Variants in SCNN1B observed in about 807,000 individuals in gnomAD.
SCNN1B encodes the protein epithelial sodium channel subunit beta.
SCNN1B carries 46 observed loss-of-function variants against 65.3 expected under a neutral mutation model. The ratio of observed to expected loss-of-function variants is 0.70; its 90% CI spans 0.56 to 0.90. The LOEUF is 0.90. SCNN1B is among the 40% of genes least tolerant of loss of function. The probability of loss-of-function intolerance (pLI) is 0.00; values close to 1 mark genes in which losing one functional copy is unlikely to be tolerated. For missense variants in SCNN1B, 751 were observed against 830.5 expected (o/e 0.90, Z 1.18); for synonymous variants, 349 against 330.6 (o/e 1.06, Z -0.60).
Position 23,323,722 on chromosome 16 carries a change from T to C in SCNN1B, c.-9+21285T>C, listed in dbSNP as rs994463658. 4 of 642,710 alleles carry C rather than the reference T, an allele frequency of 6.2e-6. No individual in the cohort carries two copies. In the Admixed American group the frequency reaches 9.8e-5, roughly 16 times the overall value. The allele number at this position is 642,710 out of a possible 1,614,324, so 39.8% of individuals were successfully genotyped here. A position where few individuals can be genotyped will look rare whatever the true frequency, so the allele number is the denominator to read the frequency against. On this transcript the variant is annotated intron_variant, in intron 1 of 12. Transcript: ENST00000343070. The stretch of plus-strand genomic sequence containing the variant: ...GCTGGGACCAGGTTGCAAGGTGTCT[T>C]AGAAGCCAGCTAAGGGTTGAGGGGC...
chr16:23,338,235 A>G (rs757342689), intron 1 of SCNN1B, among the ~76,000 whole-genome samples: 2 of 152,218 alleles, frequency 1.3e-5, no homozygotes, highest in Non-Finnish European at 2.9e-5. Flanking sequence ...GAATTTATAA[A>G]TAGAAATTGT....
At chr16:23,323,474 T>A (rs34460527) in intron 1 of SCNN1B, 18 of 698,442 alleles carry the variant, frequency 2.6e-5, no homozygotes, top group Non-Finnish European at 4.2e-5. Context: ...TGCCAGACAC[T>A]GTGCTAGGTG....
intron 1 of SCNN1B, chr16:23,323,447 G>A (rs1961629646): frequency 1.5e-6 from 1 of 681,548 alleles, no homozygotes; most frequent in Non-Finnish European, 2.7e-6. Context: ...CCTCTCATAG[G>A]CACTGATCTC....
chr16:23,372,739 G>A (rs1053088119), intron 7 of SCNN1B, among the ~76,000 whole-genome samples: 3 of 148,516 alleles, frequency 2.0e-5, no homozygotes, highest in East Asian at 2.0e-4. Flanking sequence ...GTGATCCACC[G>A]CCTCGGCCTC....
chr16:23,311,947 C>T (rs1186242946), intron 1 of SCNN1B, among the ~76,000 whole-genome samples: 1 of 152,110 alleles, frequency 6.6e-6, no homozygotes, highest in African/African-American at 2.4e-5. Context: ...ACCCAACACC[C>T]ACCCTCCCTC....
intron 1 of SCNN1B, among the ~76,000 whole-genome samples, chr16:23,316,957 C>T (rs879672435): frequency 1.3e-5 from 2 of 152,218 alleles, no homozygotes; most frequent in Non-Finnish European, 2.9e-5. Flanking sequence ...CCATCACCAC[C>T]AGAGCAACAT....
intron 1 of SCNN1B, among the ~76,000 whole-genome samples, chr16:23,332,356 C>T (rs936949808): frequency 6.6e-6 from 1 of 152,002 alleles, no homozygotes; most frequent in African/African-American, 2.4e-5. Flanking sequence ...CCACCATGCC[C>T]AGCTAATTTT....
Position 23,348,501 on chromosome 16 carries a change from G to T in SCNN1B, c.-8-91G>T. 2 of 1,217,672 alleles carry T rather than the reference G, an allele frequency of 1.6e-6. No individual in the cohort carries two copies. Among genetic ancestry groups the T allele is most frequent in the Non-Finnish European group, 2.4e-6 (2 of 850,122 alleles). The allele number at this position is 1,217,672 out of a possible 1,614,324, so 75.4% of individuals were successfully genotyped here. On this transcript the variant is annotated intron_variant, in intron 1 of 12. Coordinates refer to ENST00000343070, the MANE Select transcript of SCNN1B (RefSeq NM_000336.3). This position sits in a 1 kb window ranked among gnomAD's most constrained non-coding sequence, Gnocchi z 4.5. ...GTAAAGAGGGAGGAAGAACGGGGAC[G>T]TACCGCCGCCCAGTTCCTGGACGTG...
At chr16:23,279,765 T>C (rs1960757816) in intron 1 of SCNN1B, among the ~76,000 whole-genome samples, 4 of 152,214 alleles carry the variant, frequency 2.6e-5, no homozygotes, top group Admixed American at 2.6e-4. Context: ...GTTGCAGCTC[T>C]TTAAACCCAG....
intron 3 of SCNN1B, 180 bp downstream of exon 3, chr16:23,353,254 C>T: frequency 1.5e-6 from 1 of 688,132 alleles, no homozygotes; most frequent in Non-Finnish European, 2.5e-6. Context: ...AGTCAAGACT[C>T]CTTTGGTATA....
rs1961195653 is a variant in SCNN1B at position 23,305,575 on chromosome 16, T to TAAA, written c.-9+3139_-9+3140insAAA. Among the ~76,000 whole-genome samples the TAAA allele has an allele frequency of 3.4e-4, 10 of 29,692 alleles. 1 individual carries two copies. Among genetic ancestry groups the TAAA allele is most frequent in the African/African-American group, 2.5e-3 (9 of 3,652 alleles). The allele number at this position is 29,692 out of a possible 152,430, so 19.5% of individuals were successfully genotyped here. ...ATATATATATATATATATATATATATATTATATATATATATATATATATAA... is the reference window on the plus strand; with the variant it reads ...ATATATATATATATATATATATATATAAAATTATATATATATATATATATATAA... On this transcript the variant is annotated intron_variant, in intron 1 of 12. Coordinates refer to ENST00000343070, the MANE Select transcript of SCNN1B (RefSeq NM_000336.3).
At chr16:23,314,982 C>A (rs1961422041) in intron 1 of SCNN1B, among the ~76,000 whole-genome samples, 1 of 152,168 alleles carries the variant, frequency 6.6e-6, no homozygotes, top group Non-Finnish European at 1.5e-5. Context: ...AAAAACAAAG[C>A]TGGATTTCAG....
upstream of SCNN1B, among the ~76,000 whole-genome samples, chr16:23,301,415 G>A (rs1961081238): frequency 8.0e-6 from 1 of 124,544 alleles, no homozygotes; most frequent in African/African-American, 4.5e-5. Context: ...GAGGGAGGTG[G>A]AGAGAGAGAG....
At position 23,348,511 on chromosome 16, in the gene SCNN1B, C is replaced by T. The variant is rs1166424547; in HGVS notation, c.-8-81C>T. On this transcript the variant is annotated intron_variant, in intron 1 of 12. Transcript: ENST00000343070. This position sits in a 1 kb window ranked among gnomAD's most constrained non-coding sequence, Gnocchi z 4.5. ...AGGAAGAACGGGGACGTACCGCCGC[C>T]CAGTTCCTGGACGTGACTGGGACAT... The T allele has an allele frequency of 6.4e-6, 9 of 1,400,760 alleles. No individual in the cohort carries two copies. The highest frequency in any genetic ancestry group is 3.0e-6 in the Non-Finnish European group (3 of 1,004,114). The allele number at this position is 1,400,760 out of a possible 1,614,324, so 86.8% of individuals were successfully genotyped here.
At position 23,375,803 on chromosome 16, in the gene SCNN1B, C is replaced by G; in HGVS notation, c.1218C>G (p.Tyr406Ter). Residue 406 changes from tyrosine (Y) to a stop codon, truncating the protein, a stop_gained, in exon 8 of 13, where the codon TAC becomes TAG. Coordinates refer to ENST00000343070, the MANE Select transcript of SCNN1B (RefSeq NM_000336.3). LOFTEE classifies it high-confidence loss of function. ...IRNCNCGHYL[Y>*]PLPRGEKYCN... Reference sequence around the variant, plus strand: ...ACTGCAACTGTGGCCACTACCTGTACCCACTGCCCCGTGGGGAGAAATACT... The same window carrying G: ...ACTGCAACTGTGGCCACTACCTGTAGCCACTGCCCCGTGGGGAGAAATACT... The G allele has an allele frequency of 6.2e-7, 1 of 1,614,178 alleles. No individual in the cohort carries two copies. Among genetic ancestry groups the G allele is most frequent in the Non-Finnish European group, 8.5e-7 (1 of 1,179,984 alleles).
At chr16:23,358,438 G>A (rs1019961376) in intron 4 of SCNN1B, 2 of 152,128 alleles carry the variant, frequency 1.3e-5, no homozygotes, top group East Asian at 3.9e-4. Flanking sequence ...CCTTGAACAA[G>A]TTTCTTAGCC....
chr16:23,314,945 G>A (rs1350405427), intron 1 of SCNN1B, among the ~76,000 whole-genome samples: 1 of 152,194 alleles, frequency 6.6e-6, no homozygotes, highest in Non-Finnish European at 1.5e-5. Context: ...ACAAGGTGGG[G>A]AACGCGTGGC....
chr16:23,304,775 T>C (rs921795171), intron 1 of SCNN1B, among the ~76,000 whole-genome samples: 1 of 152,136 alleles, frequency 6.6e-6, no homozygotes, highest in Non-Finnish European at 1.5e-5. Context: ...CACTACATTA[T>C]AATCCCAGCT....
At chr16:23,343,621 AAG>A (rs1734438313) in intron 1 of SCNN1B, among the ~76,000 whole-genome samples, 1 of 133,252 alleles carries the variant, frequency 7.5e-6, no homozygotes, top group South Asian at 2.7e-4. Flanking sequence ...GAAAGAAAGA[AAG>A]AAAGAAAGAA....
Sources: gnomAD v4.1 joint callset for allele counts (sites outside exome capture counted in the v4.1 genomes callset) on GRCh38, gnomAD v4.1.1 for gene constraint, Gnocchi (gnomAD v3.1) non-coding constraint, MANE v1.5 for transcripts, NCBI Gene and HGNC (gene_info 2026-07-23, HGNC 2026-07-21) for gene names.